Variants in UNC5D observed in about 807,000 individuals in gnomAD.
UNC5D encodes unc-5 netrin receptor D.
UNC5D carries 39 observed loss-of-function variants against 105.4 expected under a neutral mutation model. The observed-to-expected ratio is 0.37, with a 90% CI of 0.29 to 0.48. The LOEUF is 0.48. Ranked by LOEUF, UNC5D falls within the 20% of genes least tolerant of loss-of-function variation. The pLI is 0.98. For synonymous variants in UNC5D, 452 were observed against 450.4 expected, an observed-to-expected ratio of 1.00 and a Z score of -0.04; for missense variants, 991 against 1,202.4, an observed-to-expected ratio of 0.82 and a Z score of 2.60.
At chr8:35,302,229 T>A (rs1808011736) in intron 1 of UNC5D, among the ~76,000 whole-genome samples, 1 of 152,198 alleles carries the variant, frequency 6.6e-6, no homozygotes, top group Admixed American at 6.5e-5. Flanking sequence ...AGAGAAGCTC[T>A]GAGTCTCCAA....
At chr8:35,536,462 A>G (rs530743204) in intron 1 of UNC5D, among the ~76,000 whole-genome samples, 220 of 152,312 alleles carry the variant, frequency 1.4e-3, no homozygotes, top group African/African-American at 5.0e-3. Flanking sequence ...GAAACTGAAA[A>G]CAAATCCCAT....
At chr8:35,521,201 T>G (rs1813441723) in intron 1 of UNC5D, among the ~76,000 whole-genome samples, 1 of 152,070 alleles carries the variant, frequency 6.6e-6, no homozygotes, top group South Asian at 2.1e-4. Flanking sequence ...TTTAAAAACT[T>G]TTTTGAAAGG....
chr8:35,423,553 G>T, intron 1 of UNC5D, among the ~76,000 whole-genome samples: 1 of 152,142 alleles, frequency 6.6e-6, no homozygotes, highest in East Asian at 1.9e-4. Context: ...AATTTCCTCA[G>T]ATTTTCAGTG....
intron 1 of UNC5D, among the ~76,000 whole-genome samples, chr8:35,362,189 C>T (rs577650031): frequency 5.9e-5 from 9 of 152,304 alleles, no homozygotes; most frequent in African/African-American, 2.2e-4. Context: ...AACTCTTTCA[C>T]AAGTTGCATT....
At position 35,791,277 on chromosome 8, in the gene UNC5D, G is replaced by T. The variant is rs987352205; in HGVS notation, c.*714G>T. ...CTTCCTTACCCCTTGCAGTAGGGAGGTATCAAGGAGCATAATTAAACTTGT... is the reference window on the plus strand; with the variant it reads ...CTTCCTTACCCCTTGCAGTAGGGAGTTATCAAGGAGCATAATTAAACTTGT... On this transcript the variant is annotated 3_prime_UTR_variant, in exon 17 of 17. Transcript: ENST00000404895. The T allele has an allele frequency of 2.0e-5, 3 of 152,858 alleles. No individual in the cohort carries two copies. The highest frequency in any genetic ancestry group is 4.4e-5 in the Non-Finnish European group (3 of 68,410). 9.5% of individuals were successfully genotyped at this position (152,858 alleles called of 1,614,324 possible).
intron 1 of UNC5D, among the ~76,000 whole-genome samples, chr8:35,499,402 A>G (rs749319834): frequency 6.6e-6 from 1 of 152,164 alleles, no homozygotes; most frequent in Non-Finnish European, 1.5e-5. Context: ...TCTTTGATTC[A>G]TCATAACTTA....
chr8:35,505,819 G>T (rs758216423), intron 1 of UNC5D, among the ~76,000 whole-genome samples: 5 of 152,194 alleles, frequency 3.3e-5, no homozygotes, highest in Non-Finnish European at 7.3e-5. Flanking sequence ...GTTGGCTCTG[G>T]AGCCGGACTG....
chr8:35,518,284 C>G (rs892877897), intron 1 of UNC5D, among the ~76,000 whole-genome samples: 3 of 152,124 alleles, frequency 2.0e-5, no homozygotes, highest in African/African-American at 7.2e-5. Context: ...TTTCCTTCCC[C>G]ATTTTCTTAA....
intron 1 of UNC5D, among the ~76,000 whole-genome samples, chr8:35,265,908 T>TAA (rs1804837675): frequency 6.8e-6 from 1 of 146,018 alleles, no homozygotes; most frequent in African/African-American, 2.6e-5. Flanking sequence ...AATAATAATA[T>TAA]ATCTGGGATT....
intron 1 of UNC5D, among the ~76,000 whole-genome samples, chr8:35,417,154 C>T (rs1805584233): frequency 6.6e-6 from 1 of 152,070 alleles, no homozygotes; most frequent in Non-Finnish European, 1.5e-5. Flanking sequence ...GTTGTGCTAT[C>T]AAATACTAAG....
rs1482591166 is a variant in UNC5D, at chr8:35,265,006, C to T, written c.103+29119C>T. Among the ~76,000 whole-genome samples the T allele has an allele frequency of 4.6e-5, 7 of 152,082 alleles. No individual in the cohort carries two copies. In the East Asian group the frequency reaches 7.7e-4, roughly 17 times the overall value. On this transcript the variant is annotated intron_variant, in intron 1 of 16. Transcript: ENST00000404895. ...TGAAAACAGTCATAATAACGCAAAC[C>T]GCAAATGAAACCAAAGAAAGTGGAA...
At chr8:35,457,309 T>C (rs555578921) in intron 1 of UNC5D, among the ~76,000 whole-genome samples, 1 of 152,344 alleles carries the variant, frequency 6.6e-6, no homozygotes, top group Non-Finnish European at 1.5e-5. Context: ...AGTGTCAGAC[T>C]AGAGGCTCTC....
At chr8:35,632,957 T>C (rs1822132101) in intron 4 of UNC5D, among the ~76,000 whole-genome samples, 1 of 152,178 alleles carries the variant, frequency 6.6e-6, no homozygotes, top group Admixed American at 6.5e-5. Context: ...ATCACCTCCT[T>C]TGGGCTTTAG....
intron 1 of UNC5D, among the ~76,000 whole-genome samples, chr8:35,328,964 C>T (rs1001525930): frequency 6.6e-6 from 1 of 152,168 alleles, no homozygotes; most frequent in African/African-American, 2.4e-5. Flanking sequence ...CTTTAAAACA[C>T]ACACTCCTGC....
At chr8:35,618,940 T>G (rs1821189468) in intron 4 of UNC5D, among the ~76,000 whole-genome samples, 2 of 152,196 alleles carry the variant, frequency 1.3e-5, no homozygotes, top group African/African-American at 2.4e-5. Flanking sequence ...GTCAACTTTA[T>G]TGTACTTGAA....
At chr8:35,273,949 CAT>C (rs1302977823) in intron 1 of UNC5D, among the ~76,000 whole-genome samples, 2 of 151,840 alleles carry the variant, frequency 1.3e-5, no homozygotes, top group Non-Finnish European at 2.9e-5. Flanking sequence ...TTCCCAGTAT[CAT>C]TTTTATGCCT....
chr8:35,327,435 CA>C (rs1200098754), intron 1 of UNC5D, among the ~76,000 whole-genome samples: 1 of 152,172 alleles, frequency 6.6e-6, no homozygotes, highest in African/African-American at 2.4e-5. Context: ...TTCGACATTT[CA>C]AGGTTTAAGA....
chr8:35,400,512 C>CTTT (rs1804389347), intron 1 of UNC5D, among the ~76,000 whole-genome samples: 1 of 152,122 alleles, frequency 6.6e-6, no homozygotes, highest in Non-Finnish European at 1.5e-5. Context: ...CTGTTCCTTC[C>CTTT]TTATAGGTCT....
chr8:35,668,200 A>G (rs1400535496), intron 4 of UNC5D, among the ~76,000 whole-genome samples: 1 of 151,904 alleles, frequency 6.6e-6, no homozygotes, highest in Non-Finnish European at 1.5e-5. Flanking sequence ...CTTCATTTGT[A>G]TTTTTCCTCC....
Sources: gnomAD v4.1 joint callset for allele counts (sites outside exome capture counted in the v4.1 genomes callset) on GRCh38, gnomAD v4.1.1 for gene constraint, MANE v1.5 for transcripts, NCBI Gene and HGNC (gene_info 2026-07-23, HGNC 2026-07-21) for gene names.